RFX3: variants seen among roughly 807,000 people sequenced by gnomAD.
The protein encoded by RFX3 is transcription factor RFX3.
RFX3 carries 14 observed loss-of-function variants against 98.6 expected under a neutral mutation model. The observed-to-expected ratio is 0.14, with a 90% CI of 0.09 to 0.22. The LOEUF is 0.22. Among genes scored for constraint, RFX3 ranks in the 10% least tolerant of loss-of-function variants. The pLI is 1.00. For synonymous variants in RFX3, 383 were observed against 328.4 expected (o/e 1.17, Z -1.80); for missense variants, 639 against 926.9 (o/e 0.69, Z 4.03).
Position 3,256,985 on chromosome 9 carries a change from T to G in RFX3, c.1814+6A>C. The G allele has an allele frequency of 2.5e-6, 4 of 1,613,544 alleles. No homozygotes were observed. Among genetic ancestry groups the G allele is most frequent in the Non-Finnish European group, 2.5e-6 (3 of 1,179,548 alleles). On this transcript the variant is annotated splice_donor_region_variant and intron_variant, in intron 14 of 16. Coordinates refer to ENST00000617270, the MANE Select transcript of RFX3 (RefSeq NM_001282116.2). ...GAAGAAAGCCTAGGAAAAACCTAGA[T>G]GATACCTGTAGAAAGACCATTTTAG...
At position 3,288,173 on chromosome 9, in the gene RFX3, T is replaced by A; in HGVS notation, c.809A>T (p.Gln270Leu). Residue 270 changes from glutamine to leucine, a missense_variant, in exon 7 of 17, where the codon CAG becomes CTG. By Grantham distance (113) the Gln-to-Leu change is moderately radical. Coordinates refer to ENST00000617270, the MANE Select transcript of RFX3 (RefSeq NM_001282116.2). The part of the protein sequence containing the change: ...SPLNRLQEDM[Q>L]YMAMRQQPMQ... ...GGGTTGTTGTCTCATAGCCATATAC[T>A]GCATGTCTTCTTGCAGACGATTAAG... is the stretch of plus-strand genomic sequence containing the variant. 6.2e-7 allele frequency: 1 copy of A among 1,612,866 alleles called. No individual in the cohort carries two copies. The highest frequency in any genetic ancestry group is 8.5e-7 in the Non-Finnish European group (1 of 1,179,002).
intron 9 of RFX3, among the ~76,000 whole-genome samples, chr9:3,273,490 T>C (rs1824781264): frequency 6.6e-6 from 1 of 152,216 alleles, no homozygotes; most frequent in African/African-American, 2.4e-5. Context: ...TCACTTAGAA[T>C]AATCTTACTG....
chr9:3,510,291 G>C (rs975002975), intron 1 of RFX3, among the ~76,000 whole-genome samples: 14 of 151,780 alleles, frequency 9.2e-5, no homozygotes, highest in African/African-American at 3.4e-4. Context: ...TATGCAAACA[G>C]GGCCAGGTTA....
chr9:3,447,451 T>C (rs939166111), intron 1 of RFX3, among the ~76,000 whole-genome samples: 1 of 152,130 alleles, frequency 6.6e-6, no homozygotes, highest in African/African-American at 2.4e-5. Context: ...AAGACATCCA[T>C]TAAACAAAAG....
intron 4 of RFX3, among the ~76,000 whole-genome samples, chr9:3,328,430 A>G (rs1832182613): frequency 6.6e-6 from 1 of 152,172 alleles, no homozygotes; most frequent in African/African-American, 2.4e-5. Flanking sequence ...AGGGGAACTG[A>G]GATCCAGAAA....
chr9:3,338,657 A>G (rs1833491914), intron 3 of RFX3, among the ~76,000 whole-genome samples: 1 of 152,236 alleles, frequency 6.6e-6, no homozygotes, highest in Admixed American at 6.5e-5. Flanking sequence ...GTGGGCACCA[A>G]AAGCTGGCAT....
intron 2 of RFX3, among the ~76,000 whole-genome samples, chr9:3,368,165 A>T (rs1023211724): frequency 3.3e-5 from 5 of 152,190 alleles, no homozygotes; most frequent in African/African-American, 9.6e-5. Flanking sequence ...TCTAAAACTT[A>T]TCATACTCTA....
chr9:3,346,428 A>G (rs927650421), intron 3 of RFX3, among the ~76,000 whole-genome samples: 1 of 152,192 alleles, frequency 6.6e-6, no homozygotes, highest in Admixed American at 6.5e-5. Context: ...AGAACTATTA[A>G]AGGGCATAAG....
chr9:3,457,043 A>T (rs1015252516), intron 1 of RFX3, among the ~76,000 whole-genome samples: 2 of 148,740 alleles, frequency 1.3e-5, no homozygotes, highest in Non-Finnish European at 3.0e-5. Context: ...TGGGAGGCTA[A>T]GGCAGGAGAA....
chr9:3,278,789 A>G (rs1825561716), intron 7 of RFX3, among the ~76,000 whole-genome samples: 1 of 151,906 alleles, frequency 6.6e-6, no homozygotes, highest in South Asian at 2.1e-4. Context: ...ATGTGACAGT[A>G]TCTTACAAAC....
intron 1 of RFX3, among the ~76,000 whole-genome samples, chr9:3,495,962 A>G (rs897397987): frequency 2.6e-5 from 4 of 152,090 alleles, no homozygotes. Flanking sequence ...ATCAATGATG[A>G]GCACATTAAA....
Position 3,505,318 on chromosome 9 carries a change from A to T in RFX3, c.-9+20429T>A, listed in dbSNP as rs1564187200. On this transcript the variant is annotated intron_variant, in intron 1 of 16. Transcript: ENST00000617270. ...TTTATATATATATAAATATATATTA[A>T]TGTATATTTATATTTTATATAAATA... Among the ~76,000 whole-genome samples the T allele has an allele frequency of 7.0e-4, 60 of 85,166 alleles. 7 individuals are homozygous for T. The highest frequency in any genetic ancestry group is 2.6e-3 in the African/African-American group (46 of 17,534). 55.9% of individuals were successfully genotyped at this position (85,166 alleles called of 152,430 possible).
chr9:3,457,741 T>C (rs1847323038), intron 1 of RFX3, among the ~76,000 whole-genome samples: 1 of 152,140 alleles, frequency 6.6e-6, no homozygotes, highest in Non-Finnish European at 1.5e-5. Flanking sequence ...ATATGGTATT[T>C]CACTTTAAGG....
intron 1 of RFX3, among the ~76,000 whole-genome samples, chr9:3,425,046 A>T (rs1266827550): frequency 1.3e-5 from 2 of 152,144 alleles, no homozygotes; most frequent in Non-Finnish European, 1.5e-5. Flanking sequence ...CCTGGGCAAC[A>T]GGCAAAACCC....
At chr9:3,297,734 A>C (rs575412698) in intron 5 of RFX3, among the ~76,000 whole-genome samples, 1 of 152,108 alleles carries the variant, frequency 6.6e-6, no homozygotes, top group South Asian at 2.1e-4. Context: ...TTTGGTAGCT[A>C]AAACCAGCAA....
At chr9:3,280,262 C>T (rs1474758665) in intron 7 of RFX3, among the ~76,000 whole-genome samples, 1 of 151,760 alleles carries the variant, frequency 6.6e-6, no homozygotes, top group Non-Finnish European at 1.5e-5. Flanking sequence ...TAAAGAATGA[C>T]ATCAAGATGG....
intron 15 of RFX3, among the ~76,000 whole-genome samples, chr9:3,241,941 A>C (rs1416561734): frequency 6.6e-6 from 1 of 152,234 alleles, no homozygotes; most frequent in Non-Finnish European, 1.5e-5. Flanking sequence ...CAAAGTAATA[A>C]AAACTTTTAA....
At chr9:3,505,906 G>C (rs531086288) in intron 1 of RFX3, among the ~76,000 whole-genome samples, 29 of 151,840 alleles carry the variant, frequency 1.9e-4, no homozygotes, top group African/African-American at 6.8e-4. Context: ...TTCAAGGGCA[G>C]AGGCCCTTGA....
intron 1 of RFX3, among the ~76,000 whole-genome samples, chr9:3,525,380 C>T (rs1268721628): frequency 6.6e-6 from 1 of 152,226 alleles, no homozygotes; most frequent in African/African-American, 2.4e-5. Flanking sequence ...TGACCCTCCT[C>T]CTCAGACCAG....
Sources: gnomAD v4.1 joint callset for allele counts (sites outside exome capture counted in the v4.1 genomes callset) on GRCh38, gnomAD v4.1.1 for gene constraint, MANE v1.5 for transcripts, NCBI Gene and HGNC (gene_info 2026-07-23, HGNC 2026-07-21) for gene names.